Variants in NGEF observed in about 807,000 individuals in gnomAD.
The protein encoded by NGEF is neuronal guanine nucleotide exchange factor, also known as ephexin-1.
In NGEF, 31 loss-of-function variants were observed where a neutral mutation model predicts 80.9. That is an observed-to-expected ratio of 0.38 (90% CI 0.29 to 0.52). The LOEUF (loss-of-function observed/expected upper bound fraction) is 0.52, where lower values mean the gene tolerates loss of function less well. Ranked by LOEUF, NGEF falls within the 20% of genes least tolerant of loss-of-function variation. NGEF has a pLI of 0.84. For synonymous variants in NGEF, 371 were observed against 370.2 expected, an observed-to-expected ratio of 1.00 and a Z score of -0.03; for missense variants, 709 against 926.2, an observed-to-expected ratio of 0.77 and a Z score of 3.04.
chr2:232,927,764 G>C, intron 3 of NGEF: 1 of 495,104 alleles, frequency 2.0e-6, no homozygotes, highest in Non-Finnish European at 3.1e-6. Context: ...GTGGGAGTAG[G>C]GGCGGCGGGG....
At chr2:232,943,424 C>G (rs909984796) in intron 3 of NGEF, among the ~76,000 whole-genome samples, 4 of 151,992 alleles carry the variant, frequency 2.6e-5, no homozygotes, top group African/African-American at 9.7e-5. Context: ...TTCCTTAAAC[C>G]CAGGGCCTCA....
chr2:232,879,435 C>CCCCCCG lies in NGEF; in HGVS notation c.*53_*54insCGGGGG. On this transcript the variant is annotated 3_prime_UTR_variant, in exon 15 of 15. Transcript: ENST00000264051. ...GCTTCCCAGAGCCCCCCCCCCCCCA[C>CCCCCCG]CTTCTGTCGGGGTCTCATGCAGGCC... 1 of 1,443,846 alleles carries CCCCCCG rather than the reference C, an allele frequency of 6.9e-7. No individual in the cohort carries two copies. Among genetic ancestry groups the CCCCCCG allele is most frequent in the Non-Finnish European group, 9.4e-7 (1 of 1,060,332 alleles). The allele number at this position is 1,443,846 out of a possible 1,614,324, so 89.4% of individuals were successfully genotyped here. A position where few individuals can be genotyped will look rare whatever the true frequency, so the allele number is the denominator to read the frequency against.
At chr2:232,972,262 C>G (rs1694209063) in intron 2 of NGEF, among the ~76,000 whole-genome samples, 1 of 152,050 alleles carries the variant, frequency 6.6e-6, no homozygotes, top group Non-Finnish European at 1.5e-5. Flanking sequence ...CAACAGATTT[C>G]AAAGACTTCA....
chr2:232,897,654 G>A (rs976151306), intron 5 of NGEF, among the ~76,000 whole-genome samples: 1 of 152,208 alleles, frequency 6.6e-6, no homozygotes, highest in Non-Finnish European at 1.5e-5. Flanking sequence ...AGGGCCAGCG[G>A]CCAACTGCAG....
chr2:232,897,219 C>A (rs1692126925), intron 5 of NGEF, among the ~76,000 whole-genome samples: 1 of 151,832 alleles, frequency 6.6e-6, no homozygotes, highest in Non-Finnish European at 1.5e-5. Context: ...TTTCTCCACT[C>A]ATCAGAGCCC....
intron 1 of NGEF, among the ~76,000 whole-genome samples, chr2:232,994,785 T>C (rs78870191): frequency 0.021 from 3,208 of 152,142 alleles, 58 homozygotes; most frequent in Admixed American, 0.043. Flanking sequence ...GCACTCAGTA[T>C]GTGGGAGCTG....
chr2:232,970,192 C>A, intron 3 of NGEF, 22 bp downstream of exon 3: 1 of 1,428,098 alleles, frequency 7.0e-7, no homozygotes, highest in East Asian at 2.5e-5. Flanking sequence ...ACCAGCATTC[C>A]TCATGATCTG....
At chr2:232,950,896 A>G (rs1693665316) in intron 3 of NGEF, among the ~76,000 whole-genome samples, 1 of 152,220 alleles carries the variant, frequency 6.6e-6, no homozygotes, top group Admixed American at 6.5e-5. Flanking sequence ...ATGGAAGGGG[A>G]ACAGCTGATG....
chr2:232,928,041 C>T (rs1693121856), intron 3 of NGEF: 8 of 1,183,116 alleles, frequency 6.8e-6, no homozygotes, highest in Non-Finnish European at 4.2e-6. Flanking sequence ...GGTCGGGGGC[C>T]ACGCCGGGGC....
intron 3 of NGEF, among the ~76,000 whole-genome samples, chr2:232,953,301 C>CAAAAAAAAAAAAAAAAAAAA (rs57652494): frequency 6.6e-5 from 6 of 91,202 alleles, no homozygotes; most frequent in Admixed American, 1.4e-4. Flanking sequence ...GACTCTGTGT[C>CAAAAAAAAAAAAAAAAAAAA]AAAAAAAAAA....
intron 1 of NGEF, among the ~76,000 whole-genome samples, chr2:232,997,172 G>C (rs1559241954): frequency 6.6e-6 from 1 of 152,204 alleles, no homozygotes; most frequent in African/African-American, 2.4e-5. Flanking sequence ...TTCATGCACA[G>C]ATTGCTGGGC....
chr2:232,970,253 C>T lies in NGEF; in HGVS notation c.344G>A (p.Arg115Lys). The T allele has an allele frequency of 6.2e-7, 1 of 1,602,710 alleles. No individual in the cohort carries two copies. The highest frequency in any genetic ancestry group is 8.5e-7 in the Non-Finnish European group (1 of 1,176,450). ...NIPWSRMPPC[R>K]TAMQTDPGAQ... ...TCCTGGGTCTGTCTGCATTGCTGTT[C>T]TGCAAGGAGGCATTCTGCTCCAGGG... The change falls in exon 3 of 15, where the codon AGA becomes AAA. Residue 115 changes from arginine to lysine, a missense_variant. Arg to Lys is a conservative substitution (Grantham distance 26). Transcript: ENST00000264051.
intron 14 of NGEF, 80 bp from the exon 15 acceptor site, chr2:232,879,759 C>T: frequency 7.1e-7 from 1 of 1,406,628 alleles, no homozygotes; most frequent in Non-Finnish European, 9.8e-7. Context: ...TGGCCAGGGC[C>T]CCCATCTGTG....
intron 11 of NGEF, 129 bp from the exon 12 acceptor site, chr2:232,883,595 C>T (rs1179128611): frequency 5.1e-6 from 5 of 988,320 alleles, no homozygotes; most frequent in African/African-American, 1.6e-5. Context: ...CCTTCTGAAG[C>T]TTCCACCTGA....
Position 232,927,839 on chromosome 2 carries a change from G to A in NGEF, c.384-653C>T, listed in dbSNP as rs1205253060. ...GCCCGGGACCCCGGGCGCAAGCTGG[G>A]AAAGAGGCACGCGGGGGCGGCGCGC... On this transcript the variant is annotated intron_variant, in intron 3 of 14. Transcript: ENST00000264051. 54 of 1,185,208 alleles carry A rather than the reference G, an allele frequency of 4.6e-5. No homozygotes were observed. In the East Asian group the frequency reaches 1.8e-3, roughly 39 times the overall value. The allele number at this position is 1,185,208 out of a possible 1,614,324, so 73.4% of individuals were successfully genotyped here.
intron 3 of NGEF, among the ~76,000 whole-genome samples, chr2:232,955,060 A>C (rs1182107111): frequency 2.0e-5 from 3 of 152,224 alleles, no homozygotes; most frequent in Admixed American, 1.3e-4. Context: ...ACACTGAGGC[A>C]GAGAAAGCCG....
rs1297032315 is a variant in NGEF, at chr2:232,920,378, G to C, written c.734C>G (p.Pro245Arg). The C allele has an allele frequency of 6.2e-7, 1 of 1,614,136 alleles. No homozygotes were observed. The highest frequency in any genetic ancestry group is 1.7e-5 in the Admixed American group (1 of 60,012). The change falls in exon 5 of 15, where the codon CCC becomes CGC. Residue 245 changes from proline (P) to arginine (R), a missense_variant. This residue lies in a region of NGEF where 426 missense variants were observed against 622.9 expected (regional missense o/e 0.68). Coordinates refer to ENST00000264051, the MANE Select transcript of NGEF (RefSeq NM_019850.3). ...TLPQICLLSN[P>R]HSRFNLWQDL... ...CTGCCAGAGGTTGAACCTTGAGTGG[G>C]GGTTACTGAGCAGGCAGATCTGGGG...
At chr2:232,986,240 G>A (rs1574654394) in intron 1 of NGEF, among the ~76,000 whole-genome samples, 1 of 152,346 alleles carries the variant, frequency 6.6e-6, no homozygotes, top group Middle Eastern at 3.4e-3. Flanking sequence ...TGGGAAAAGG[G>A]CACCCTTGTG....
chr2:232,945,468 T>TACACAGACACAGACACAGACACAG (rs71296809), intron 3 of NGEF, among the ~76,000 whole-genome samples: 7 of 150,226 alleles, frequency 4.7e-5, no homozygotes, highest in Non-Finnish European at 8.9e-5. Flanking sequence ...GAAATTTGGA[T>TACACAGACACAGACACAGACACAG]ACACAGACAC....
Sources: allele counts gnomAD v4.1 joint callset (sites outside exome capture counted in the v4.1 genomes callset), GRCh38; gene constraint gnomAD v4.1.1; regional missense constraint gnomAD v4.1.1; transcripts MANE v1.5; gene names NCBI Gene and HGNC (gene_info 2026-07-23, HGNC 2026-07-21).